KCTD1: variants seen among roughly 807,000 people sequenced by gnomAD.
KCTD1 encodes the protein BTB/POZ domain-containing protein KCTD1.
A neutral mutation model predicts 66.0 loss-of-function variants in KCTD1; 24 were observed. That is an observed-to-expected ratio of 0.36 (90% CI 0.26 to 0.51). KCTD1 has a LOEUF of 0.51. Among genes scored for constraint, KCTD1 ranks in the 20% least tolerant of loss-of-function variants. The pLI is 0.95. For missense variants in KCTD1, 943 were observed against 1,205.2 expected (o/e 0.78, Z 3.22); for synonymous variants, 511 against 517.2 (o/e 0.99, Z 0.16).
upstream of KCTD1, among the ~76,000 whole-genome samples, chr18:26,642,353 T>C (rs1390309372): frequency 2.0e-5 from 3 of 152,210 alleles, no homozygotes; most frequent in Admixed American, 6.5e-5. Flanking sequence ...AATCGGTGCC[T>C]CTCGGGCGTG....
intron 2 of KCTD1, among the ~76,000 whole-genome samples, chr18:26,489,543 GT>G (rs139397959): frequency 0.072 from 10,952 of 152,010 alleles, 570 homozygotes; most frequent in Non-Finnish European, 0.1. Flanking sequence ...TGCCTGGCCT[GT>G]TTTTTTTCTT....
At position 26,559,234 on chromosome 18, in the gene KCTD1, T is replaced by G. The variant is rs111435307; in HGVS notation, c.-15-57984A>C. Among the ~76,000 whole-genome samples, 2 of 152,316 alleles carry G rather than the reference T, an allele frequency of 1.3e-5. 1 individual carries two copies. Among genetic ancestry groups the G allele is most frequent in the African/African-American group, 4.8e-5 (2 of 41,562 alleles). On this transcript the variant is annotated intron_variant, in intron 1 of 4. Transcript: ENST00000317932. ...TCAACAATAATTTAACTGTATATTT[T>G]AAAATAACTAAAAGAGTATAATTGG...
intron 1 of KCTD1, among the ~76,000 whole-genome samples, chr18:26,540,640 T>C (rs971026731): frequency 6.6e-6 from 1 of 152,208 alleles, no homozygotes; most frequent in African/African-American, 2.4e-5. Context: ...TTTATGATCA[T>C]CCACTTCCAC....
At chr18:26,634,235 G>C (rs1480655372), upstream of KCTD1, among the ~76,000 whole-genome samples, 2 of 152,184 alleles carry the variant, frequency 1.3e-5, no homozygotes, top group Non-Finnish European at 2.9e-5. Context: ...AATCATGGTA[G>C]TGCACCTCTA....
chr18:26,481,140 C>T (rs1255554740), intron 2 of KCTD1, among the ~76,000 whole-genome samples: 3 of 152,132 alleles, frequency 2.0e-5, no homozygotes, highest in African/African-American at 7.2e-5. Flanking sequence ...CTCACTATGC[C>T]AGATACAGGG....
upstream of KCTD1, among the ~76,000 whole-genome samples, chr18:26,641,043 C>A (rs1688253156): frequency 6.6e-6 from 1 of 152,184 alleles, no homozygotes. Flanking sequence ...TTCTGCCAGA[C>A]TGATTTCTTA....
upstream of KCTD1, among the ~76,000 whole-genome samples, chr18:26,552,047 A>G (rs1985586327): frequency 1.3e-5 from 2 of 152,046 alleles, no homozygotes; most frequent in Non-Finnish European, 2.9e-5. Context: ...AACTCTCTAA[A>G]CTATGGTAAG....
chr18:26,536,923 TA>T (rs75357237), intron 1 of KCTD1, among the ~76,000 whole-genome samples: 65 of 142,122 alleles, frequency 4.6e-4, no homozygotes, highest in Admixed American at 4.9e-4. Context: ...TTTCATAAAT[TA>T]AAAAAAAAAA....
intron 1 of KCTD1, among the ~76,000 whole-genome samples, chr18:26,591,942 G>T (rs568558799): frequency 6.6e-6 from 1 of 152,272 alleles, no homozygotes; most frequent in South Asian, 2.1e-4. Context: ...GTGGGACCTA[G>T]CCAGAATCTA....
At chr18:26,607,300 G>C (rs191396629) in intron 1 of KCTD1, among the ~76,000 whole-genome samples, 1 of 152,254 alleles carries the variant, frequency 6.6e-6, no homozygotes, top group Non-Finnish European at 1.5e-5. Flanking sequence ...TGAGTAATTG[G>C]GATTACAGGC....
intron 1 of KCTD1, among the ~76,000 whole-genome samples, chr18:26,503,094 T>G (rs934857000): frequency 6.6e-6 from 1 of 152,330 alleles, no homozygotes; most frequent in African/African-American, 2.4e-5. Flanking sequence ...TGTTGTGCGT[T>G]TCTACATGCT....
Position 26,476,534 on chromosome 18 carries a change from AGGAG to A in KCTD1, c.2110_2113del (p.Leu704SerfsTer61). The A allele has an allele frequency of 6.2e-7, 1 of 1,612,686 alleles. No homozygotes were observed. Among genetic ancestry groups the A allele is most frequent in the Non-Finnish European group, 8.5e-7 (1 of 1,179,588 alleles). On this transcript the variant is annotated frameshift_variant, in exon 3 of 5. Coordinates refer to ENST00000580059, the MANE Select transcript of KCTD1 (RefSeq NM_001142730.3). LOFTEE classifies it high-confidence loss of function. The surrounding 1 kb of genome is among the most constrained non-coding windows in gnomAD (Gnocchi z 4.9). ...CCTCACCTTGAAATCATCAGGAATG[AGGAG>A]TTTGGATGTTCGTAGAAAATTCAAG...
intron 1 of KCTD1, chr18:26,591,453 A>G (rs1296475019): frequency 1.0e-5 from 1 of 96,302 alleles, no homozygotes. Context: ...TCTCCCGACT[A>G]CTACTACTAC....
chr18:26,528,360 A>C (rs914092072), intron 1 of KCTD1, among the ~76,000 whole-genome samples: 4 of 152,132 alleles, frequency 2.6e-5, no homozygotes, highest in Non-Finnish European at 5.9e-5. Flanking sequence ...AACGTGGGTC[A>C]ATCTTTTCCT....
intron 1 of KCTD1, among the ~76,000 whole-genome samples, chr18:26,594,297 G>T (rs1425150764): frequency 1.3e-5 from 2 of 152,160 alleles, no homozygotes; most frequent in East Asian, 3.8e-4. Flanking sequence ...AATGTATGCT[G>T]CATTCTCTAA....
chr18:26,526,741 G>A (rs755419632), intron 1 of KCTD1, among the ~76,000 whole-genome samples: 8 of 152,030 alleles, frequency 5.3e-5, no homozygotes, highest in Non-Finnish European at 1.0e-4. Flanking sequence ...AATCCCACTT[G>A]AGAAAAGATA....
chr18:26,641,778 C>T (rs1467273778), upstream of KCTD1, among the ~76,000 whole-genome samples: 1 of 152,176 alleles, frequency 6.6e-6, no homozygotes, highest in Non-Finnish European at 1.5e-5. Context: ...GCCTTCTAGA[C>T]AACTCTAATG....
At chr18:26,493,552 T>C (rs1025487833) in intron 2 of KCTD1, among the ~76,000 whole-genome samples, 1 of 152,164 alleles carries the variant, frequency 6.6e-6, no homozygotes. Context: ...AGATGTTCTT[T>C]TGCTTTTTTG....
At chr18:26,480,771 A>G (rs1266173986) in intron 2 of KCTD1, among the ~76,000 whole-genome samples, 1 of 152,158 alleles carries the variant, frequency 6.6e-6, no homozygotes. Context: ...TGTCTTAAAA[A>G]AAAAAAATTA....
Sources: allele counts gnomAD v4.1 joint callset (sites outside exome capture counted in the v4.1 genomes callset), GRCh38; gene constraint gnomAD v4.1.1; non-coding constraint Gnocchi (gnomAD v3.1); transcripts MANE v1.5; gene names NCBI Gene and HGNC (gene_info 2026-07-23, HGNC 2026-07-21).